The following ADK variants were observed in gnomAD, a reference collection of about 807,000 sequenced individuals.
ADK encodes the protein adenosine kinase.
In ADK, 24 loss-of-function variants were observed where a neutral mutation model predicts 44.7. The observed-to-expected ratio is 0.54, with a 90% confidence interval of 0.39 to 0.76. The LOEUF is 0.76. Among genes scored for constraint, ADK ranks in the 30% least tolerant of loss-of-function variants. The pLI is 0.00. For missense variants in ADK, 321 were observed against 425.1 expected, an observed-to-expected ratio of 0.76 and a Z score of 2.15; for synonymous variants, 128 against 142.6, an observed-to-expected ratio of 0.90 and a Z score of 0.73.
chr10:74,324,631 G>A lies in ADK; in HGVS notation c.273+9886G>A, dbSNP rs11000995. Among the ~76,000 whole-genome samples the A allele has an allele frequency of 6.6e-5, 10 of 151,980 alleles. No homozygotes were observed. The East Asian group carries it at 1.4e-3, about 21-fold the overall frequency. ...TAGTATTCCATTGTGTATATATATCGCATTTTATTTATTCATTCATTCATT... is the reference window on the plus strand; with the variant it reads ...TAGTATTCCATTGTGTATATATATCACATTTTATTTATTCATTCATTCATT... On this transcript the variant is annotated intron_variant, in intron 4 of 10. Coordinates refer to ENST00000539909, the MANE Select transcript of ADK (RefSeq NM_006721.4).
chr10:74,655,110 G>A, intron 9 of ADK: 1 of 283,630 alleles, frequency 3.5e-6, no homozygotes, highest in Non-Finnish European at 6.9e-6. Context: ...CCTGGGGGTT[G>A]AGGTTGGGGG....
At chr10:74,284,745 T>G (rs999913862) in intron 3 of ADK, among the ~76,000 whole-genome samples, 1 of 152,248 alleles carries the variant, frequency 6.6e-6, no homozygotes, top group Non-Finnish European at 1.5e-5. Context: ...TCTTGGTCTG[T>G]ATGGAATGTG....
intron 6 of ADK, among the ~76,000 whole-genome samples, chr10:74,497,087 A>G (rs1847715627): frequency 6.6e-6 from 1 of 152,124 alleles, no homozygotes; most frequent in Admixed American, 6.5e-5. Context: ...AGCAGAGACT[A>G]CAGGGACTAC....
chr10:74,280,599 T>A (rs1470763974), intron 3 of ADK, among the ~76,000 whole-genome samples: 1 of 152,192 alleles, frequency 6.6e-6, no homozygotes, highest in Non-Finnish European at 1.5e-5. Flanking sequence ...CAACCATCAC[T>A]TCTATTTGTA....
intron 6 of ADK, among the ~76,000 whole-genome samples, chr10:74,466,064 G>GT (rs1229795256): frequency 3.3e-5 from 5 of 151,986 alleles, no homozygotes; most frequent in African/African-American, 7.2e-5. Flanking sequence ...ACTGTATAAT[G>GT]TTTTTTTGTC....
chr10:74,491,267 A>T (rs1403223578), intron 6 of ADK, among the ~76,000 whole-genome samples: 1 of 151,994 alleles, frequency 6.6e-6, no homozygotes, highest in African/African-American at 2.4e-5. Flanking sequence ...CTTACAATTT[A>T]TTATTTTTTA....
At chr10:74,494,755 C>T (rs1297146995) in intron 6 of ADK, among the ~76,000 whole-genome samples, 5 of 151,998 alleles carry the variant, frequency 3.3e-5, no homozygotes, top group Non-Finnish European at 7.4e-5. Context: ...CTCTGCCTCC[C>T]GGGCTCAAGC....
At chr10:74,222,873 A>T (rs1190490145) in intron 2 of ADK, among the ~76,000 whole-genome samples, 1 of 72,394 alleles carries the variant, frequency 1.4e-5, no homozygotes, top group Non-Finnish European at 2.7e-5. Context: ...GGGTGGGGGG[A>T]GGGGGGAGCG....
chr10:74,670,364 A>C, intron 10 of ADK, 95 bp downstream of exon 10: 1 of 911,194 alleles, frequency 1.1e-6, no homozygotes, highest in South Asian at 1.5e-5. Context: ...AGTAACTTCT[A>C]ATTTCTTCTT....
chr10:74,219,025 C>G (rs527278292), intron 2 of ADK, among the ~76,000 whole-genome samples: 17 of 152,170 alleles, frequency 1.1e-4, no homozygotes, highest in African/African-American at 3.9e-4. Context: ...ACAATATTAA[C>G]TTTAAATGTA....
intron 10 of ADK, among the ~76,000 whole-genome samples, chr10:74,684,151 G>A (rs1855711795): frequency 6.6e-6 from 1 of 152,180 alleles, no homozygotes; most frequent in Non-Finnish European, 1.5e-5. Context: ...AGAAGTACCA[G>A]AAGTTTAGCC....
intron 2 of ADK, among the ~76,000 whole-genome samples, chr10:74,208,832 G>C (rs1843701233): frequency 6.6e-6 from 1 of 152,044 alleles, no homozygotes; most frequent in Non-Finnish European, 1.5e-5. Context: ...TGCCTCCCAG[G>C]TTCAAGCGAT....
intron 6 of ADK, among the ~76,000 whole-genome samples, chr10:74,440,207 A>G (rs1204601921): frequency 2.6e-5 from 4 of 152,268 alleles, no homozygotes; most frequent in Middle Eastern, 6.8e-3. Context: ...TCCTTGAATA[A>G]TAATAGCTTA....
At chr10:74,222,747 A>G (rs944192136) in intron 2 of ADK, among the ~76,000 whole-genome samples, 3 of 152,000 alleles carry the variant, frequency 2.0e-5, no homozygotes, top group African/African-American at 7.3e-5. Flanking sequence ...CATTCTCAGT[A>G]AACTATCACA....
intron 10 of ADK, among the ~76,000 whole-genome samples, chr10:74,698,770 G>A (rs193205795): frequency 2.1e-4 from 32 of 152,152 alleles, no homozygotes; most frequent in Non-Finnish European, 3.7e-4. Context: ...TGTTGCCCAG[G>A]CTGGTCTCAA....
intron 6 of ADK, among the ~76,000 whole-genome samples, chr10:74,494,038 A>G (rs550461145): frequency 6.6e-6 from 1 of 152,280 alleles, no homozygotes; most frequent in South Asian, 2.1e-4. Context: ...TTAAGTTTTG[A>G]TTTAGTATAC....
chr10:74,510,320 T>A (rs1848255198), intron 6 of ADK, among the ~76,000 whole-genome samples: 1 of 152,214 alleles, frequency 6.6e-6, no homozygotes, highest in Admixed American at 6.5e-5. Context: ...TTAGTGATGT[T>A]GGGCACTTTT....
chr10:74,325,113 A>T (rs1564654498), intron 4 of ADK, among the ~76,000 whole-genome samples: 1 of 152,092 alleles, frequency 6.6e-6, no homozygotes. Flanking sequence ...ATATTCTTTA[A>T]TTACATGAAT....
intron 10 of ADK, among the ~76,000 whole-genome samples, chr10:74,678,874 C>G (rs1192474438): frequency 6.6e-6 from 1 of 152,162 alleles, no homozygotes; most frequent in Non-Finnish European, 1.5e-5. Flanking sequence ...CTCTCAGCTG[C>G]TATTAAATGA....
Sources: gnomAD v4.1 joint callset for allele counts (sites outside exome capture counted in the v4.1 genomes callset) on GRCh38, gnomAD v4.1.1 for gene constraint, MANE v1.5 for transcripts, NCBI Gene and HGNC (gene_info 2026-07-23, HGNC 2026-07-21) for gene names.